The following SCFD2 variants were observed in gnomAD, a reference collection of about 807,000 sequenced individuals.
The protein encoded by SCFD2 is sec1 family domain-containing protein 2.
SCFD2 carries 54 observed loss-of-function variants against 58.9 expected under a neutral mutation model. The observed-to-expected ratio is 0.92, with a 90% CI of 0.74 to 1.15. The LOEUF (loss-of-function observed/expected upper bound fraction) is 1.15. Ranked by LOEUF, SCFD2 falls within the 50% of genes most tolerant of loss-of-function variation. The probability of loss-of-function intolerance (pLI) is 0.00; values close to 1 mark genes in which losing one functional copy is unlikely to be tolerated. For synonymous variants in SCFD2, 321 were observed against 335.9 expected (o/e 0.96, Z 0.49); for missense variants, 805 against 836.6 (o/e 0.96, Z 0.47).
intron 5 of SCFD2, among the ~76,000 whole-genome samples, chr4:52,938,815 A>T (rs1720210817): frequency 6.6e-6 from 1 of 152,230 alleles, no homozygotes; most frequent in African/African-American, 2.4e-5. Flanking sequence ...AAGTCAACTC[A>T]TCTTAAATAT....
At chr4:53,094,228 T>G (rs1724553536) in intron 5 of SCFD2, among the ~76,000 whole-genome samples, 1 of 152,180 alleles carries the variant, frequency 6.6e-6, no homozygotes, top group African/African-American at 2.4e-5. Flanking sequence ...TACTCAATTA[T>G]GTGGCTTGTA....
chr4:53,196,026 A>G (rs998171078), intron 4 of SCFD2, among the ~76,000 whole-genome samples: 4 of 152,154 alleles, frequency 2.6e-5, no homozygotes, highest in Non-Finnish European at 2.9e-5. Flanking sequence ...AGACAACATG[A>G]TATCTAGGAT....
intron 5 of SCFD2, chr4:52,948,741 C>T: frequency 3.2e-6 from 1 of 312,220 alleles, no homozygotes; most frequent in Non-Finnish European, 6.4e-6. Context: ...CTCTCCTTTT[C>T]CTGACAGTGT....
At chr4:53,191,299 T>C (rs1236537179) in intron 4 of SCFD2, among the ~76,000 whole-genome samples, 1 of 152,112 alleles carries the variant, frequency 6.6e-6, no homozygotes, top group East Asian at 1.9e-4. Flanking sequence ...AGCAAGACTC[T>C]ATCTCAAAAA....
At chr4:53,302,406 C>T (rs1357065811) in intron 3 of SCFD2, among the ~76,000 whole-genome samples, 1 of 152,126 alleles carries the variant, frequency 6.6e-6, no homozygotes, top group African/African-American at 2.4e-5. Context: ...ATGTGAAGGA[C>T]CTCTTCAAGG....
In SCFD2 at chr4:52,904,293, T is replaced by C. The variant is rs77126239; in HGVS notation, c.1842+3164A>G. On this transcript the variant is annotated intron_variant, in intron 7 of 8. Coordinates refer to ENST00000401642, the MANE Select transcript of SCFD2 (RefSeq NM_152540.4). ...CCCTGAGCACAGGAAGGATTCCGCA[T>C]TGATAACTTTATTCACCAGGCTTTG... Among the ~76,000 whole-genome samples, 271 of 152,340 alleles carry C rather than the reference T, an allele frequency of 1.8e-3. 1 individual carries two copies. The highest frequency in any genetic ancestry group is 0.014 in the Middle Eastern group (4 of 294).
chr4:52,951,647 C>T (rs1720596350), intron 5 of SCFD2, among the ~76,000 whole-genome samples: 1 of 152,162 alleles, frequency 6.6e-6, no homozygotes, highest in African/African-American at 2.4e-5. Flanking sequence ...TAGTTCTTGT[C>T]AAGAGTCTGT....
intron 3 of SCFD2, among the ~76,000 whole-genome samples, chr4:53,298,143 G>A (rs1396128987): frequency 1.3e-5 from 2 of 152,148 alleles, no homozygotes; most frequent in Non-Finnish European, 2.9e-5. Context: ...GAAGCAGGGC[G>A]AGGCATCACT....
intron 5 of SCFD2, among the ~76,000 whole-genome samples, chr4:53,066,307 G>C (rs1181201498): frequency 6.6e-6 from 1 of 152,074 alleles, no homozygotes; most frequent in Non-Finnish European, 1.5e-5. Context: ...CAAGAATCAT[G>C]TTACTAAGGC....
chr4:53,343,411 T>G (rs527513184), intron 2 of SCFD2, among the ~76,000 whole-genome samples: 2 of 152,244 alleles, frequency 1.3e-5, no homozygotes, highest in East Asian at 3.9e-4. Context: ...AGGAAGAAGT[T>G]GAATCCCTGA....
At chr4:52,977,320 T>C (rs1721278204) in intron 5 of SCFD2, among the ~76,000 whole-genome samples, 1 of 152,198 alleles carries the variant, frequency 6.6e-6, no homozygotes, top group African/African-American at 2.4e-5. Flanking sequence ...GCACCATTTC[T>C]AAATCTGAAC....
At chr4:53,263,320 A>G (rs373558923) in intron 4 of SCFD2, among the ~76,000 whole-genome samples, 34 of 152,080 alleles carry the variant, frequency 2.2e-4, no homozygotes, top group African/African-American at 8.2e-4. Flanking sequence ...CTGTTAAAGA[A>G]CCTTGTTTTG....
At chr4:53,008,107 G>C (rs547446287) in intron 5 of SCFD2, among the ~76,000 whole-genome samples, 1 of 152,326 alleles carries the variant, frequency 6.6e-6, no homozygotes, top group African/African-American at 2.4e-5. Context: ...AAACATGTGG[G>C]CAAGGTTAAA....
chr4:52,991,546 G>T (rs890711050), intron 5 of SCFD2, among the ~76,000 whole-genome samples: 11 of 152,092 alleles, frequency 7.2e-5, no homozygotes, highest in Non-Finnish European at 1.3e-4. Context: ...TTGGCCTTGG[G>T]GGACAAGACT....
intron 3 of SCFD2, among the ~76,000 whole-genome samples, chr4:53,277,610 CA>C (rs1259551098): frequency 3.3e-5 from 5 of 152,138 alleles, no homozygotes; most frequent in African/African-American, 4.8e-5. Flanking sequence ...TAAATAGATT[CA>C]AAATATATAC....
chr4:53,131,871 G>A (rs1165411194), intron 5 of SCFD2, among the ~76,000 whole-genome samples: 1 of 152,196 alleles, frequency 6.6e-6, no homozygotes, highest in Non-Finnish European at 1.5e-5. Context: ...TGTATCTAAT[G>A]TAGAGTTAAC....
intron 5 of SCFD2, among the ~76,000 whole-genome samples, chr4:52,935,335 T>TAAC (rs962026842): frequency 5.3e-5 from 8 of 152,202 alleles, no homozygotes; most frequent in African/African-American, 1.7e-4. Flanking sequence ...AGTGTTTAAT[T>TAAC]AACAACAACA....
chr4:52,931,071 A>G (rs1030729583), intron 5 of SCFD2, among the ~76,000 whole-genome samples: 1 of 152,222 alleles, frequency 6.6e-6, no homozygotes, highest in Non-Finnish European at 1.5e-5. Flanking sequence ...CAAGGAAGGC[A>G]GCACACAGGC....
chr4:53,242,485 G>A (rs2149026998), intron 4 of SCFD2, among the ~76,000 whole-genome samples: 1 of 152,184 alleles, frequency 6.6e-6, no homozygotes, highest in Non-Finnish European at 1.5e-5. Context: ...AAATCCAAAG[G>A]ACAGCAACTT....
Sources: gnomAD v4.1 joint callset for allele counts (sites outside exome capture counted in the v4.1 genomes callset) on GRCh38, gnomAD v4.1.1 for gene constraint, MANE v1.5 for transcripts, NCBI Gene and HGNC (gene_info 2026-07-23, HGNC 2026-07-21) for gene names.